The following ACTR3C variants were observed in gnomAD, a reference collection of about 807,000 sequenced individuals.
The protein encoded by ACTR3C is actin related protein 3C.
A neutral mutation model predicts 26.3 loss-of-function variants in ACTR3C; 18 were observed. That is an observed-to-expected ratio of 0.68 (90% CI 0.47 to 1.01). The LOEUF is 1.01. ACTR3C is among the 50% of genes least tolerant of loss of function. The probability of loss-of-function intolerance (pLI) is 0.00; values close to 1 mark genes in which losing one functional copy is unlikely to be tolerated. For synonymous variants in ACTR3C, 55 were observed against 94.5 expected (o/e 0.58, Z 2.42); for missense variants, 184 against 250.7 (o/e 0.73, Z 1.80).
At chr7:149,959,863 C>T in the ACTR3C span, among the ~76,000 whole-genome samples, 18 of 152,142 alleles carry the variant, frequency 1.2e-4, no homozygotes, top group African/African-American at 4.8e-5. Flanking sequence ...GTGTGTTGAG[C>T]GGACATACAC....
At chr7:149,894,590 A>G in the ACTR3C span, among the ~76,000 whole-genome samples, 1 of 152,244 alleles carries the variant, frequency 6.6e-6, no homozygotes, top group Non-Finnish European at 1.5e-5. Context: ...CTGAATGGAC[A>G]TTTCTCAAAA....
chr7:149,910,522 C>T, the ACTR3C span, among the ~76,000 whole-genome samples: 5 of 151,978 alleles, frequency 3.3e-5, no homozygotes, highest in East Asian at 1.9e-4. Context: ...AAAGTTGAAA[C>T]GCGGTAAGTA....
At chr7:150,039,588 A>G in the ACTR3C span, among the ~76,000 whole-genome samples, 1 of 133,944 alleles carries the variant, frequency 7.5e-6, no homozygotes, top group African/African-American at 2.9e-5. Context: ...AATCCCACGT[A>G]AGGTACCTGC....
the ACTR3C span, among the ~76,000 whole-genome samples, chr7:149,980,190 A>G: frequency 0.09 from 13,776 of 152,286 alleles, 778 homozygotes; most frequent in Non-Finnish European, 0.13. Flanking sequence ...TACTCTATAA[A>G]GGTAGATTGG....
the ACTR3C span, among the ~76,000 whole-genome samples, chr7:150,227,884 T>G: frequency 2.0e-5 from 3 of 152,122 alleles, no homozygotes; most frequent in South Asian, 2.1e-4. Context: ...ATATGCTGTC[T>G]TGATTATTAT....
chr7:150,321,785 T>C (rs1166993005), intron 1 of ACTR3C, among the ~76,000 whole-genome samples: 2 of 152,066 alleles, frequency 1.3e-5, no homozygotes, highest in East Asian at 1.9e-4. Context: ...AGTGTAAAGA[T>C]AAAAATCACT....
the ACTR3C span, among the ~76,000 whole-genome samples, chr7:149,916,980 C>T: frequency 1.3e-5 from 2 of 152,174 alleles, no homozygotes; most frequent in Non-Finnish European, 2.9e-5. Flanking sequence ...AGAAGTCTTA[C>T]ACTACCCCAT....
At chr7:150,036,881 G>A in the ACTR3C span, among the ~76,000 whole-genome samples, 1 of 122,630 alleles carries the variant, frequency 8.2e-6, no homozygotes, top group Non-Finnish European at 1.9e-5. Context: ...ATGAGGGTCT[G>A]GCTCTCAGTC....
At chr7:150,257,346 C>G (rs1017457857) in intron 6 of ACTR3C, among the ~76,000 whole-genome samples, 3 of 152,152 alleles carry the variant, frequency 2.0e-5, no homozygotes, top group African/African-American at 7.2e-5. Context: ...ATTTTTAGAA[C>G]TGCAGAGCTC....
At chr7:150,113,138 G>A in the ACTR3C span, among the ~76,000 whole-genome samples, 2 of 151,820 alleles carry the variant, frequency 1.3e-5, no homozygotes, top group African/African-American at 4.8e-5. Flanking sequence ...CTCCGACGGT[G>A]GCTGACCCTA....
the ACTR3C span, among the ~76,000 whole-genome samples, chr7:149,949,497 G>C: frequency 6.8e-6 from 1 of 147,846 alleles, no homozygotes; most frequent in African/African-American, 2.7e-5. Flanking sequence ...TGAACAGTTT[G>C]ATAGATTCCA....
At chr7:149,936,286 C>A in the ACTR3C span, among the ~76,000 whole-genome samples, 17 of 152,136 alleles carry the variant, frequency 1.1e-4, no homozygotes, top group African/African-American at 4.1e-4. Context: ...TTTTCCCACC[C>A]ACTCCTCACC....
chr7:149,882,728 C>G, the ACTR3C span, among the ~76,000 whole-genome samples: 1 of 152,248 alleles, frequency 6.6e-6, no homozygotes, highest in Admixed American at 6.5e-5. Context: ...TCATTAACCA[C>G]TGACAGGGGA....
the ACTR3C span, among the ~76,000 whole-genome samples, chr7:150,008,519 A>G: frequency 1.3e-5 from 2 of 152,266 alleles, no homozygotes; most frequent in African/African-American, 4.8e-5. Flanking sequence ...CTACTGTATC[A>G]GAGAGCACAG....
the ACTR3C span, among the ~76,000 whole-genome samples, chr7:149,983,929 A>G: frequency 2.6e-5 from 4 of 152,050 alleles, no homozygotes; most frequent in Non-Finnish European, 5.9e-5. Context: ...ACTTGTACAG[A>G]GAGTAGAGAG....
At chr7:149,929,425 C>CAAA in the ACTR3C span, among the ~76,000 whole-genome samples, 7,465 of 48,610 alleles carry the variant, frequency 0.15, 1,187 homozygotes, top group Middle Eastern at 0.25. Context: ...AAGATTCTGT[C>CAAA]AAAAAAAAAA....
chr7:150,087,684 C>T, the ACTR3C span, among the ~76,000 whole-genome samples: 1 of 152,160 alleles, frequency 6.6e-6, no homozygotes, highest in Non-Finnish European at 1.5e-5. Context: ...CTGATCCAGA[C>T]CCACCCTGAC....
At chr7:149,915,317 T>C in the ACTR3C span, among the ~76,000 whole-genome samples, 4 of 151,964 alleles carry the variant, frequency 2.6e-5, no homozygotes, top group Non-Finnish European at 1.5e-5. Flanking sequence ...TGTCTAACAA[T>C]AAGAACATAT....
intron 4 of ACTR3C, among the ~76,000 whole-genome samples, chr7:150,286,967 C>A (rs1029105129): frequency 6.6e-6 from 1 of 152,204 alleles, no homozygotes; most frequent in African/African-American, 2.4e-5. Flanking sequence ...ACTGTCTACA[C>A]CCTAAACCTG....
Sources: gnomAD v4.1 joint callset for allele counts (sites outside exome capture counted in the v4.1 genomes callset) on GRCh38, gnomAD v4.1.1 for gene constraint, MANE v1.5 for transcripts, NCBI Gene and HGNC (gene_info 2026-07-23, HGNC 2026-07-21) for gene names.